CDC14B: variants seen among roughly 807,000 people sequenced by gnomAD.
CDC14B encodes the protein cell division cycle 14B.
CDC14B carries 22 observed loss-of-function variants against 64.2 expected under a neutral mutation model. That is an observed-to-expected ratio of 0.34 (90% CI 0.24 to 0.49). CDC14B has a LOEUF of 0.49. Ranked by LOEUF, CDC14B falls within the 20% of genes least tolerant of loss-of-function variation. The pLI, the probability that CDC14B is intolerant of heterozygous loss-of-function variation, is 0.99. For missense variants in CDC14B, 498 were observed against 629.9 expected, an observed-to-expected ratio of 0.79 and a Z score of 2.24; for synonymous variants, 191 against 215.8, an observed-to-expected ratio of 0.89 and a Z score of 1.01.
downstream of CDC14B, chr9:96,500,032 G>C (rs1833422921): frequency 6.6e-6 from 1 of 152,586 alleles, no homozygotes; most frequent in African/African-American, 2.4e-5. Flanking sequence ...CAGATTCCGG[G>C]TTACCTCTGC....
rs1833473530 is a variant in CDC14B at position 96,500,523 on chromosome 9, G to C, written c.*3230C>G. On this transcript the variant is annotated 3_prime_UTR_variant, in exon 14 of 14. Transcript: ENST00000375241. ...GACAATTCTACCAGGTAATTAAGGA[G>C]GTAATTTCCTACACAGTATAGGTGA... 6.6e-6 allele frequency: 1 copy of C among 152,614 alleles called. No individual in the cohort carries two copies. Among genetic ancestry groups the C allele is most frequent in the African/African-American group, 2.4e-5 (1 of 41,432 alleles). The allele number at this position is 152,614 out of a possible 1,614,324, so 9.5% of individuals were successfully genotyped here. A position where few individuals can be genotyped will look rare whatever the true frequency, so the allele number is the denominator to read the frequency against.
chr9:96,552,010 C>A, intron 4 of CDC14B, 138 bp from the exon 5 acceptor site: 1 of 1,115,644 alleles, frequency 9.0e-7, no homozygotes. Flanking sequence ...AGGAATCACC[C>A]AGAATCCTGT....
chr9:96,496,333 G>T (rs1018614946), downstream of CDC14B: 4 of 516,432 alleles, frequency 7.7e-6, no homozygotes, highest in Admixed American at 7.8e-5. Flanking sequence ...GTCTAGAAAG[G>T]TGACAGCCTG....
chr9:96,507,248 C>A (rs1380133208), intron 13 of CDC14B, among the ~76,000 whole-genome samples: 4 of 145,758 alleles, frequency 2.7e-5, no homozygotes, highest in African/African-American at 5.1e-5. Flanking sequence ...ACCTGGAAGA[C>A]GAAGTTTGCA....
chr9:96,493,716 T>G (rs757591249), intron 13 of CDC14B, among the ~76,000 whole-genome samples: 1 of 152,208 alleles, frequency 6.6e-6, no homozygotes, highest in Admixed American at 6.5e-5. Context: ...TCATAGCTAC[T>G]TGGTAGGCTG....
intron 5 of CDC14B, among the ~76,000 whole-genome samples, chr9:96,544,855 C>A (rs1840584105): frequency 6.6e-6 from 1 of 152,178 alleles, no homozygotes; most frequent in East Asian, 1.9e-4. Context: ...TGAAAAACTT[C>A]TCTTCCACAT....
At chr9:96,610,120 C>CA (rs1483473909) in intron 1 of CDC14B, among the ~76,000 whole-genome samples, 1 of 151,948 alleles carries the variant, frequency 6.6e-6, no homozygotes, top group African/African-American at 2.4e-5. Flanking sequence ...CACACACACA[C>CA]CCATTCAGAT....
chr9:96,499,720 G>A (rs1182876426), downstream of CDC14B, among the ~76,000 whole-genome samples: 4 of 152,212 alleles, frequency 2.6e-5, no homozygotes, highest in African/African-American at 4.8e-5. Context: ...ATGTGGACAT[G>A]GGGACTTTAA....
chr9:96,497,298 AGG>A, downstream of CDC14B, among the ~76,000 whole-genome samples: 1 of 103,922 alleles, frequency 9.6e-6, no homozygotes, highest in African/African-American at 3.6e-5. Flanking sequence ...GCGGGGAGGC[AGG>A]GGCGGGGAGG....
chr9:96,618,774 C>G (rs1215777198), intron 1 of CDC14B: 1 of 356,476 alleles, frequency 2.8e-6, no homozygotes, highest in Non-Finnish European at 5.4e-6. Flanking sequence ...AGCTCCCGTG[C>G]CAGGCGCGTT....
At chr9:96,540,426 A>T (rs1194493377) in intron 6 of CDC14B, among the ~76,000 whole-genome samples, 1 of 152,128 alleles carries the variant, frequency 6.6e-6, no homozygotes, top group Admixed American at 6.5e-5. Flanking sequence ...TGAGCTCAGG[A>T]GTTTGAGACC....
chr9:96,496,268 A>G (rs761716414), downstream of CDC14B: 15 of 506,318 alleles, frequency 3.0e-5, no homozygotes, highest in East Asian at 8.5e-4. Context: ...CGTGTCCAGG[A>G]GAGACCTTCC....
intron 1 of CDC14B, among the ~76,000 whole-genome samples, chr9:96,572,961 C>G (rs1844560453): frequency 6.6e-6 from 1 of 152,138 alleles, no homozygotes; most frequent in Non-Finnish European, 1.5e-5. Context: ...TCAGAGAAAA[C>G]TGGAAAGGAA....
In CDC14B at chr9:96,506,990, C is replaced by T. The variant is rs113719572; in HGVS notation, c.1460+2683G>A. Among the ~76,000 whole-genome samples the T allele has an allele frequency of 2.1e-3, 323 of 152,354 alleles. 2 individuals are homozygous for T. The highest frequency in any genetic ancestry group is 7.4e-3 in the African/African-American group (309 of 41,600). Reference sequence around the variant, plus strand: ...AGAATTAAATGTGCAAGACACACTACGCTGTTAACAAAAGCCTGAGCGGCC... The same window carrying T: ...AGAATTAAATGTGCAAGACACACTATGCTGTTAACAAAAGCCTGAGCGGCC... On this transcript the variant is annotated intron_variant, in intron 13 of 13. Coordinates refer to ENST00000375241, the MANE Select transcript of CDC14B (RefSeq NM_033331.4).
chr9:96,585,323 ATGC>A (rs111322886), intron 1 of CDC14B, among the ~76,000 whole-genome samples: 4,409 of 151,734 alleles, frequency 0.029, 193 homozygotes, highest in African/African-American at 0.1. Flanking sequence ...TAAGCCCCAC[ATGC>A]ATTAGGTATT....
intron 1 of CDC14B, among the ~76,000 whole-genome samples, chr9:96,616,093 A>C (rs922898739): frequency 6.6e-6 from 1 of 152,092 alleles, no homozygotes; most frequent in Non-Finnish European, 1.5e-5. Context: ...TGGGAGATCT[A>C]GGCTGGGGGG....
chr9:96,547,465 TA>T (rs79522611), intron 5 of CDC14B, among the ~76,000 whole-genome samples: 428 of 139,832 alleles, frequency 3.1e-3, no homozygotes, highest in Middle Eastern at 7.4e-3. Flanking sequence ...GAGTCTGTCT[TA>T]AAAAAAAAAA....
chr9:96,564,752 T>G (rs1028479666), intron 3 of CDC14B, 25 bp downstream of exon 3: 5 of 1,421,590 alleles, frequency 3.5e-6, no homozygotes, highest in Non-Finnish European at 4.9e-6. Context: ...CAATGATTAC[T>G]TAAGTCAAAT....
intron 1 of CDC14B, among the ~76,000 whole-genome samples, chr9:96,614,842 G>A (rs1847526208): frequency 1.3e-5 from 2 of 151,836 alleles, no homozygotes; most frequent in African/African-American, 2.4e-5. Context: ...TACACCGCCT[G>A]TTTTGTTTTG....
Sources: gnomAD v4.1 joint callset for allele counts (sites outside exome capture counted in the v4.1 genomes callset) on GRCh38, gnomAD v4.1.1 for gene constraint, MANE v1.5 for transcripts, NCBI Gene and HGNC (gene_info 2026-07-23, HGNC 2026-07-21) for gene names.